The following NAALADL2 variants were observed in gnomAD, a reference collection of about 807,000 sequenced individuals.
NAALADL2 encodes inactive N-acetylated-alpha-linked acidic dipeptidase-like protein 2.
NAALADL2 carries 76 observed loss-of-function variants against 87.2 expected under a neutral mutation model. The ratio of observed to expected loss-of-function variants is 0.87; its 90% CI spans 0.72 to 1.05. The LOEUF is 1.05. NAALADL2 is among the 50% of genes least tolerant of loss of function. NAALADL2 has a pLI of 0.00. For missense variants in NAALADL2, 1,089 were observed against 945.8 expected (o/e 1.15, Z -1.99); for synonymous variants, 354 against 331.0 (o/e 1.07, Z -0.75).
intron 2 of NAALADL2, among the ~76,000 whole-genome samples, chr3:174,592,791 C>T (rs1578251428): frequency 6.6e-6 from 1 of 152,062 alleles, no homozygotes; most frequent in East Asian, 1.9e-4. Context: ...ATCTAATCCC[C>T]CACATAGGAT....
intron 3 of NAALADL2, among the ~76,000 whole-genome samples, chr3:174,756,545 T>C (rs1294608318): frequency 6.6e-6 from 1 of 152,246 alleles, no homozygotes; most frequent in Non-Finnish European, 1.5e-5. Context: ...TTTAGTTAAA[T>C]TGAGAAATCT....
At chr3:175,437,858 T>C (rs1442148528) in intron 5 of NAALADL2, among the ~76,000 whole-genome samples, 1 of 152,066 alleles carries the variant, frequency 6.6e-6, no homozygotes, top group South Asian at 2.1e-4. Flanking sequence ...AATGGGAATA[T>C]TGCTTTCCAC....
rs1560831865 is a variant in NAALADL2, at chr3:175,602,458, C to CTCTA, written c.1801-24832_1801-24831insCTAT. Among the ~76,000 whole-genome samples the CTCTA allele has an allele frequency of 3.4e-5, 5 of 149,204 alleles. No individual in the cohort carries two copies. The East Asian group carries it at 5.9e-4, about 18-fold the overall frequency. ...TATGTATTTATTTGTATGTGTGTAT[C>CTCTA]TATATATATAGAGAGAGAGAGAGCG... On this transcript the variant is annotated intron_variant, in intron 10 of 13. Transcript: ENST00000454872.
intron 2 of NAALADL2, among the ~76,000 whole-genome samples, chr3:175,169,722 G>A (rs1334355216): frequency 2.6e-5 from 4 of 151,612 alleles, no homozygotes; most frequent in East Asian, 1.9e-4. Flanking sequence ...ATATCCCAGA[G>A]GATATCATTA....
intron 2 of NAALADL2, among the ~76,000 whole-genome samples, chr3:174,610,920 G>A (rs1719775634): frequency 1.3e-5 from 2 of 152,084 alleles, no homozygotes; most frequent in South Asian, 4.2e-4. Context: ...CAACCCAAAT[G>A]TCCAACAGTG....
intron 5 of NAALADL2, among the ~76,000 whole-genome samples, chr3:175,416,388 G>C (rs1480365473): frequency 6.6e-6 from 1 of 152,114 alleles, no homozygotes; most frequent in Non-Finnish European, 1.5e-5. Flanking sequence ...TTAATTTTTA[G>C]AGATAATTTG....
In NAALADL2 at chr3:175,254,811, G is replaced by T. The variant is rs140075401; in HGVS notation, c.820-1600G>T. ...TCAGCCAACTAAAAAATGTATTAAAGGCACTGATTTAATCATTTTTAATAG... is the reference window on the plus strand; with the variant it reads ...TCAGCCAACTAAAAAATGTATTAAATGCACTGATTTAATCATTTTTAATAG... On this transcript the variant is annotated intron_variant, in intron 3 of 13. Transcript: ENST00000454872. Among the ~76,000 whole-genome samples, 1,104 of 152,212 alleles carry T rather than the reference G, an allele frequency of 7.3e-3. 13 individuals are homozygous for T. The highest frequency in any genetic ancestry group is 0.025 in the African/African-American group (1,042 of 41,548).
intron 3 of NAALADL2, among the ~76,000 whole-genome samples, chr3:174,775,835 T>C (rs573528146): frequency 2.6e-5 from 4 of 152,150 alleles, no homozygotes; most frequent in Non-Finnish European, 5.9e-5. Context: ...TTATCAGCTG[T>C]TACCTCACCA....
At chr3:175,132,639 GTGGCTGGC>G (rs1560070308) in intron 2 of NAALADL2, among the ~76,000 whole-genome samples, 1,638 of 118,762 alleles carry the variant, frequency 0.014, 62 homozygotes, top group African/African-American at 0.03. Flanking sequence ...CCCGGACGGG[GTGGCTGGC>G]CGGGCGGGGG....
At chr3:174,703,447 C>T (rs908723627) in intron 2 of NAALADL2, among the ~76,000 whole-genome samples, 1 of 151,950 alleles carries the variant, frequency 6.6e-6, no homozygotes, top group South Asian at 2.1e-4. Flanking sequence ...GAAAATGCCG[C>T]GCCATTTGGA....
At chr3:175,568,085 A>T (rs2149532888) in intron 9 of NAALADL2, among the ~76,000 whole-genome samples, 1 of 151,990 alleles carries the variant, frequency 6.6e-6, no homozygotes, top group South Asian at 2.1e-4. Flanking sequence ...TCTTTAATAA[A>T]GGCATTGCAA....
At chr3:175,505,778 A>G (rs959413) in intron 9 of NAALADL2, among the ~76,000 whole-genome samples, 59,126 of 152,080 alleles carry the variant, frequency 0.39, 13,787 homozygotes, top group African/African-American at 0.66. Context: ...TGAGAAGAGA[A>G]AGAGCAAAGT....
At chr3:175,732,791 G>C (rs1309462961) in intron 11 of NAALADL2, among the ~76,000 whole-genome samples, 3 of 151,596 alleles carry the variant, frequency 2.0e-5, no homozygotes, top group Admixed American at 1.3e-4. Context: ...TTAGGAATTG[G>C]TTGGTAAATT....
At chr3:174,489,261 G>T (rs963425291) in intron 1 of NAALADL2, among the ~76,000 whole-genome samples, 1 of 151,888 alleles carries the variant, frequency 6.6e-6, no homozygotes, top group Non-Finnish European at 1.5e-5. Flanking sequence ...TTTAGCTAAT[G>T]GTGCTGAGGC....
At chr3:175,186,912 A>AATG (rs1333272534) in intron 2 of NAALADL2, among the ~76,000 whole-genome samples, 1 of 152,280 alleles carries the variant, frequency 6.6e-6, no homozygotes, top group African/African-American at 2.4e-5. Flanking sequence ...AAATAATAAT[A>AATG]ATAATAATTT....
intron 3 of NAALADL2, among the ~76,000 whole-genome samples, chr3:174,816,517 A>G (rs1470136707): frequency 7.0e-6 from 1 of 142,926 alleles, no homozygotes; most frequent in East Asian, 1.9e-4. Context: ...ACATTTATTT[A>G]TATTATATTA....
chr3:174,887,411 T>G (rs1730303728), intron 1 of NAALADL2, among the ~76,000 whole-genome samples: 1 of 152,188 alleles, frequency 6.6e-6, no homozygotes, highest in Non-Finnish European at 1.5e-5. Flanking sequence ...TGTTTATTAG[T>G]AGGTCACCAT....
At chr3:174,967,371 CAAAAAAAAAA>C (rs58590340) in intron 1 of NAALADL2, among the ~76,000 whole-genome samples, 161 of 126,338 alleles carry the variant, frequency 1.3e-3, no homozygotes, top group African/African-American at 4.2e-3. Context: ...TGGTGGATTG[CAAAAAAAAAA>C]AAAAAAGAAA....
chr3:174,577,128 A>G (rs1362132404), intron 2 of NAALADL2, among the ~76,000 whole-genome samples: 1 of 152,144 alleles, frequency 6.6e-6, no homozygotes, highest in Non-Finnish European at 1.5e-5. Context: ...TCTAGATGAA[A>G]AATAAAAATT....
Sources: gnomAD v4.1 joint callset for allele counts (sites outside exome capture counted in the v4.1 genomes callset) on GRCh38, gnomAD v4.1.1 for gene constraint, MANE v1.5 for transcripts, NCBI Gene and HGNC (gene_info 2026-07-23, HGNC 2026-07-21) for gene names.